The following NELL1 variants were observed in gnomAD, a reference collection of about 807,000 sequenced individuals.
NELL1 encodes the protein neural EGFL like 1.
NELL1 carries 76 observed loss-of-function variants against 107.4 expected under a neutral mutation model. The observed-to-expected ratio is 0.71, with a 90% CI of 0.59 to 0.86. NELL1 has a LOEUF of 0.86. Ranked by LOEUF, NELL1 falls within the 40% of genes least tolerant of loss-of-function variation. NELL1 has a pLI of 0.00. For missense variants in NELL1, 1,024 were observed against 1,005.5 expected, an observed-to-expected ratio of 1.02 and a Z score of -0.25; for synonymous variants, 353 against 341.2, an observed-to-expected ratio of 1.03 and a Z score of -0.38.
chr11:20,943,233 G>C (rs1453573274), intron 10 of NELL1, among the ~76,000 whole-genome samples: 1 of 152,066 alleles, frequency 6.6e-6, no homozygotes, highest in African/African-American at 2.4e-5. Flanking sequence ...ATACAAGAAA[G>C]AGTTATTGAC....
chr11:21,203,335 T>G (rs1857312717), intron 13 of NELL1, among the ~76,000 whole-genome samples: 1 of 152,140 alleles, frequency 6.6e-6, no homozygotes, highest in Admixed American at 6.6e-5. Context: ...TTTAGGAAAG[T>G]TAGCTCTTCT....
chr11:21,456,142 C>T (rs1853726200), intron 15 of NELL1, among the ~76,000 whole-genome samples: 1 of 152,184 alleles, frequency 6.6e-6, no homozygotes, highest in Non-Finnish European at 1.5e-5. Flanking sequence ...ATCCACCTGC[C>T]TCAGCCTCCC....
chr11:21,199,370 A>G (rs916098561), intron 13 of NELL1, among the ~76,000 whole-genome samples: 2 of 152,170 alleles, frequency 1.3e-5, no homozygotes, highest in Non-Finnish European at 2.9e-5. Context: ...AAAACCTAAT[A>G]ACTTCCTAAG....
chr11:21,405,906 C>T (rs1460110646), intron 15 of NELL1, among the ~76,000 whole-genome samples: 1 of 151,942 alleles, frequency 6.6e-6, no homozygotes, highest in Non-Finnish European at 1.5e-5. Context: ...TGGGAAGATG[C>T]TTGCTAGGCC....
At chr11:20,863,202 G>T (rs1209123358) in intron 4 of NELL1, among the ~76,000 whole-genome samples, 3 of 120,068 alleles carry the variant, frequency 2.5e-5, no homozygotes, top group African/African-American at 1.2e-4. Context: ...CTCACCTCCC[G>T]GACGGGGCCG....
chr11:20,674,531 C>G (rs1472742795), intron 1 of NELL1: 2 of 1,535,976 alleles, frequency 1.3e-6, no homozygotes, highest in East Asian at 4.9e-5. Flanking sequence ...ATATGGAGAA[C>G]TAGAGTTCTG....
At chr11:20,738,059 C>T (rs921563271) in intron 2 of NELL1, among the ~76,000 whole-genome samples, 2 of 50,734 alleles carry the variant, frequency 3.9e-5, no homozygotes, top group Non-Finnish European at 9.2e-5. Context: ...TGAAAAACAC[C>T]CAGAATCATC....
chr11:21,087,927 T>C (rs1328910542), intron 12 of NELL1, among the ~76,000 whole-genome samples: 1 of 152,182 alleles, frequency 6.6e-6, no homozygotes, highest in Non-Finnish European at 1.5e-5. Context: ...TGTTACTATC[T>C]GGCCCTTTAT....
At chr11:21,122,964 T>C (rs779357580) in intron 13 of NELL1, among the ~76,000 whole-genome samples, 33 of 152,204 alleles carry the variant, frequency 2.2e-4, no homozygotes, top group Admixed American at 2.6e-4. Flanking sequence ...TTTTACTTGG[T>C]TATTTTCAGT....
rs1850614549 is a variant in NELL1, at chr11:21,343,250, CTT to C, written c.1550-27602_1550-27601del. On this transcript the variant is annotated intron_variant, in intron 14 of 19. Transcript: ENST00000357134. ...CCAAAGCCCTGTCTTCCTCTTAAGA[CTT>C]ATATAATTCAGCTGCTTCTATGCAG... Among the ~76,000 whole-genome samples, 3 of 152,012 alleles carry C rather than the reference CTT, an allele frequency of 2.0e-5. No individual in the cohort carries two copies. The South Asian group carries it at 6.2e-4, about 32-fold the overall frequency.
chr11:21,311,095 C>T (rs551125694), intron 14 of NELL1, among the ~76,000 whole-genome samples: 6 of 152,020 alleles, frequency 3.9e-5, no homozygotes, highest in Non-Finnish European at 7.4e-5. Context: ...TTTAATGACT[C>T]TGAAGCAGCT....
At chr11:20,710,293 CA>C (rs1046295243) in intron 2 of NELL1, among the ~76,000 whole-genome samples, 1 of 152,132 alleles carries the variant, frequency 6.6e-6, no homozygotes, top group African/African-American at 2.4e-5. Context: ...GCTTTTTCTG[CA>C]TGTATTCAGA....
intron 15 of NELL1, among the ~76,000 whole-genome samples, chr11:21,403,828 G>A (rs1385517998): frequency 6.6e-6 from 1 of 150,774 alleles, no homozygotes; most frequent in Admixed American, 6.6e-5. Context: ...ACAAAGCTGG[G>A]ATCCCCATTT....
chr11:21,243,197 T>A (rs1359974821), intron 14 of NELL1, among the ~76,000 whole-genome samples: 1 of 152,182 alleles, frequency 6.6e-6, no homozygotes, highest in Non-Finnish European at 1.5e-5. Flanking sequence ...GTTTATAATT[T>A]ATTTTAGATT....
intron 13 of NELL1, among the ~76,000 whole-genome samples, chr11:21,204,661 G>A (rs1166255603): frequency 6.6e-6 from 1 of 151,920 alleles, no homozygotes; most frequent in Non-Finnish European, 1.5e-5. Context: ...TTGCTGGTGA[G>A]GAGTTGTGAT....
At chr11:21,360,795 CT>C (rs942420347) in intron 14 of NELL1, among the ~76,000 whole-genome samples, 1 of 152,140 alleles carries the variant, frequency 6.6e-6, no homozygotes, top group Non-Finnish European at 1.5e-5. Context: ...CTCCTGCTCA[CT>C]TTTGGTGTCC....
intron 14 of NELL1, among the ~76,000 whole-genome samples, chr11:21,316,912 G>A (rs904841991): frequency 6.6e-6 from 1 of 152,036 alleles, no homozygotes; most frequent in Non-Finnish European, 1.5e-5. Context: ...CACAAAGGCT[G>A]GGGTGGGAAC....
intron 14 of NELL1, among the ~76,000 whole-genome samples, chr11:21,349,603 G>A (rs1226227046): frequency 6.6e-6 from 1 of 151,696 alleles, no homozygotes; most frequent in Non-Finnish European, 1.5e-5. Flanking sequence ...GTAAAATAGT[G>A]TCCTTTTTTT....
intron 3 of NELL1, among the ~76,000 whole-genome samples, chr11:20,841,473 T>A (rs1010034954): frequency 1.3e-5 from 2 of 152,118 alleles, no homozygotes; most frequent in Non-Finnish European, 2.9e-5. Flanking sequence ...CCTTCCTCTC[T>A]CCTCCAGGCT....
Sources: gnomAD v4.1 joint callset for allele counts (sites outside exome capture counted in the v4.1 genomes callset) on GRCh38, gnomAD v4.1.1 for gene constraint, MANE v1.5 for transcripts, NCBI Gene and HGNC (gene_info 2026-07-23, HGNC 2026-07-21) for gene names.